Variants in CASTOR2 observed in about 807,000 individuals in gnomAD.
The protein encoded by CASTOR2 is cytosolic arginine sensor for mTORC1 subunit 2.
A neutral mutation model predicts 31.2 loss-of-function variants in CASTOR2; 8 were observed. The observed-to-expected ratio is 0.26, with a 90% confidence interval of 0.15 to 0.46. CASTOR2 has a LOEUF of 0.46. Among genes scored for constraint, CASTOR2 ranks in the 20% least tolerant of loss-of-function variants. The probability of loss-of-function intolerance (pLI) is 0.99; values close to 1 mark genes in which losing one functional copy is unlikely to be tolerated. For synonymous variants in CASTOR2, 162 were observed against 158.7 expected (o/e 1.02, Z -0.16); for missense variants, 216 against 382.1 (o/e 0.57, Z 3.62).
rs1451056782 is a variant in CASTOR2, at chr7:75,023,476, T to C, written c.830-964T>C. 4.8e-4 allele frequency among the ~76,000 whole-genome samples: 67 copies of C among 140,568 alleles called. 1 individual carries two copies. The highest frequency in any genetic ancestry group is 8.1e-4 in the Non-Finnish European group (52 of 63,946). The allele number at this position is 140,568 out of a possible 152,430, so 92.2% of individuals were successfully genotyped here. A position where few individuals can be genotyped will look rare whatever the true frequency, so the allele number is the denominator to read the frequency against. The stretch of plus-strand genomic sequence containing the variant: ...GCATTTTTTTTTTCTTTTTGTTTTT[T>C]GTTTTTTTTTTTTTTGAGACCGGAT... On this transcript the variant is annotated intron_variant, in intron 7 of 8. Coordinates refer to ENST00000616305, the MANE Select transcript of CASTOR2 (RefSeq NM_001145064.3).
chr7:75,023,245 T>G (rs1411132699), intron 7 of CASTOR2, among the ~76,000 whole-genome samples: 3 of 151,936 alleles, frequency 2.0e-5, no homozygotes, highest in African/African-American at 7.3e-5. Context: ...GAGGCGGAGC[T>G]TGCAGCAAGC....
Position 74,989,874 on chromosome 7 carries a change from C to T in CASTOR2, c.114-18120C>T, listed in dbSNP as rs587707325. 6.5e-3 allele frequency among the ~76,000 whole-genome samples: 989 copies of T among 152,162 alleles called. 12 individuals are homozygous for T. The highest frequency in any genetic ancestry group is 0.021 in the African/African-American group (863 of 41,522). On this transcript the variant is annotated intron_variant, in intron 1 of 8. Coordinates refer to ENST00000616305, the MANE Select transcript of CASTOR2 (RefSeq NM_001145064.3). ...GCCTCCAGTTGTTGGGAAAGGAGCA[C>T]GGAACACTTTCTGCAATGATGGGAA... is the stretch of plus-strand genomic sequence containing the variant.
At chr7:74,998,628 G>A (rs1212333580) in intron 1 of CASTOR2, among the ~76,000 whole-genome samples, 3 of 151,164 alleles carry the variant, frequency 2.0e-5, no homozygotes, top group Non-Finnish European at 4.4e-5. Flanking sequence ...GCAGACAGAC[G>A]TGGAAGTGAT....
rs973079615 is a variant in CASTOR2 at position 75,020,991 on chromosome 7, T to A, written c.746+842T>A. 9.2e-5 allele frequency among the ~76,000 whole-genome samples: 14 copies of A among 151,818 alleles called. No individual in the cohort carries two copies. In the East Asian group the frequency reaches 9.7e-4, roughly 11 times the overall value. ...TTTGTATTTTTATTTTATTTTTTTT[T>A]AATATTTATTTACTTTTTGAGACAG... On this transcript the variant is annotated intron_variant, in intron 6 of 8. Coordinates refer to ENST00000616305, the MANE Select transcript of CASTOR2 (RefSeq NM_001145064.3).
At chr7:74,993,954 A>G (rs1275815673) in intron 1 of CASTOR2, among the ~76,000 whole-genome samples, 1 of 152,286 alleles carries the variant, frequency 6.6e-6, no homozygotes, top group Admixed American at 6.5e-5. Context: ...TTGGGGTTTC[A>G]GGTCTGTTGC....
At chr7:74,998,051 T>G (rs1391227217) in intron 1 of CASTOR2, among the ~76,000 whole-genome samples, 2 of 152,168 alleles carry the variant, frequency 1.3e-5, no homozygotes, top group Non-Finnish European at 2.9e-5. Context: ...ATGGAAATGC[T>G]GAGTCATGGG....
At position 75,019,237 on chromosome 7, in the gene CASTOR2, G is replaced by T; in HGVS notation, c.635+142G>T. 8 of 1,443,040 alleles carry T rather than the reference G, an allele frequency of 5.5e-6. No homozygotes were observed. The South Asian group carries it at 9.0e-5, about 16-fold the overall frequency. 89.4% of individuals were successfully genotyped at this position (1,443,040 alleles called of 1,614,324 possible). On this transcript the variant is annotated intron_variant, in intron 5 of 8. Coordinates refer to ENST00000616305, the MANE Select transcript of CASTOR2 (RefSeq NM_001145064.3). ...CACAGACCTTCCCTGGAGCTAGTCTGAGCAGAGAGACATGGACCCACCCTG... is the reference window on the plus strand; with the variant it reads ...CACAGACCTTCCCTGGAGCTAGTCTTAGCAGAGAGACATGGACCCACCCTG...
intron 1 of CASTOR2, among the ~76,000 whole-genome samples, chr7:74,977,982 A>G (rs1350202231): frequency 1.3e-5 from 2 of 149,774 alleles, no homozygotes; most frequent in Admixed American, 1.3e-4. Context: ...CCTGGCCTAA[A>G]TGGAAAACTG....
At chr7:75,019,161 G>A in intron 5 of CASTOR2, 66 bp downstream of exon 5, 1 of 1,551,056 alleles carries the variant, frequency 6.4e-7, no homozygotes, top group South Asian at 1.2e-5. Context: ...CCGCCTAGGA[G>A]TCTTAGTCTG....
chr7:75,023,434 A>G (rs1805053278), intron 7 of CASTOR2, among the ~76,000 whole-genome samples: 1 of 151,352 alleles, frequency 6.6e-6, no homozygotes, highest in African/African-American at 2.4e-5. Flanking sequence ...TTGTCCAGAC[A>G]ACGTCTTTGG....
At chr7:74,983,264 A>G (rs2131923132) in intron 1 of CASTOR2, among the ~76,000 whole-genome samples, 1 of 148,034 alleles carries the variant, frequency 6.8e-6, no homozygotes, top group African/African-American at 2.5e-5. Context: ...AACCTGCCTC[A>G]GCCTCCCAAA....
In CASTOR2 at chr7:75,026,189, G is replaced by GT. The variant is rs879121750; in HGVS notation, c.*1507dup. ...CCCTGTGGTTTTGGCTCTGGCGGGG[G>GT]TTTTTTTTTTTTTTTTTGAGATGGG... is the stretch of plus-strand genomic sequence containing the variant. On this transcript the variant is annotated 3_prime_UTR_variant, in exon 9 of 9. Transcript: ENST00000616305. Among the ~76,000 whole-genome samples, 335 of 117,708 alleles carry GT rather than the reference G, an allele frequency of 2.8e-3. 6 individuals are homozygous for GT. Among genetic ancestry groups the GT allele is most frequent in the South Asian group, 7.8e-3 (28 of 3,610 alleles). 77.2% of individuals were successfully genotyped at this position (117,708 alleles called of 152,430 possible).
chr7:74,987,403 G>GA (rs1211864183), intron 1 of CASTOR2, among the ~76,000 whole-genome samples: 2,224 of 91,594 alleles, frequency 0.024, 26 homozygotes, highest in Non-Finnish European at 0.035. Flanking sequence ...GTCTCAAAAA[G>GA]AAAAAAAAAA....
chr7:75,018,997 G>C lies in CASTOR2; in HGVS notation c.537G>C (p.Leu179=). ...TCCAGAGGCCAGTCATCCACCCACT[G>C]TCCAGCCCGAGCAACAGGTTCTGTG... ...KLVQRPVIHP[L]SSPSNRFCVT... The change falls in exon 5 of 9, where the codon CTG becomes CTC. Residue 179 remains leucine (L), a synonymous_variant. Coordinates refer to ENST00000616305, the MANE Select transcript of CASTOR2 (RefSeq NM_001145064.3). 4 of 1,552,000 alleles carry C rather than the reference G, an allele frequency of 2.6e-6. No individual in the cohort carries two copies. Among genetic ancestry groups the C allele is most frequent in the Non-Finnish European group, 3.5e-6 (4 of 1,147,072 alleles).
chr7:75,018,086 C>T lies in CASTOR2; in HGVS notation c.475C>T (p.Leu159Phe), dbSNP rs1804908903. ...TGGCGAGACCGTGGCAGCCGAGAAC[C>T]TCGGCATCACCAATGGCTTCGTGAA... ...VNGETVAAEN[L>F]GITNGFVKPK... Residue 159 changes from leucine to phenylalanine, a missense_variant, in exon 4 of 9, where the codon CTC becomes TTC. Leu to Phe is a conservative substitution (Grantham distance 22). This residue lies in a region of CASTOR2 where 114 missense variants were observed against 194.2 expected (regional missense o/e 0.59). Transcript: ENST00000616305. 1 of 1,614,054 alleles carries T rather than the reference C, an allele frequency of 6.2e-7. No individual in the cohort carries two copies. Among genetic ancestry groups the T allele is most frequent in the African/African-American group, 1.3e-5 (1 of 74,956 alleles).
intron 1 of CASTOR2, among the ~76,000 whole-genome samples, chr7:75,004,027 A>C (rs1186553902): frequency 6.6e-6 from 1 of 152,134 alleles, no homozygotes; most frequent in Non-Finnish European, 1.5e-5. Flanking sequence ...TGTGCGGTCT[A>C]TTTCTGGAGT....
chr7:75,008,742 A>G (rs1804659655), intron 2 of CASTOR2, among the ~76,000 whole-genome samples: 1 of 152,164 alleles, frequency 6.6e-6, no homozygotes, highest in Admixed American at 6.6e-5. Context: ...GCAAGGGCAC[A>G]GTTTAAGAGG....
intron 1 of CASTOR2, among the ~76,000 whole-genome samples, chr7:74,992,030 T>A (rs1348308216): frequency 6.6e-6 from 1 of 151,914 alleles, no homozygotes; most frequent in African/African-American, 2.4e-5. Flanking sequence ...TGAAAAAGGC[T>A]GGATTTGAGG....
chr7:74,975,691 C>CA (rs1178211684), intron 1 of CASTOR2, among the ~76,000 whole-genome samples: 2,078 of 67,394 alleles, frequency 0.031, 40 homozygotes, highest in Non-Finnish European at 0.046. Context: ...GACTCCATGT[C>CA]AAAAAAAAAA....
Sources: gnomAD v4.1 joint callset for allele counts (sites outside exome capture counted in the v4.1 genomes callset) on GRCh38, gnomAD v4.1.1 for gene constraint, gnomAD v4.1.1 regional missense constraint, MANE v1.5 for transcripts, NCBI Gene and HGNC (gene_info 2026-07-23, HGNC 2026-07-21) for gene names.